SMYD3: variants seen among roughly 807,000 people sequenced by gnomAD.
The protein encoded by SMYD3 is histone-lysine N-methyltransferase SMYD3.
SMYD3 carries 36 observed loss-of-function variants against 57.7 expected under a neutral mutation model. The ratio of observed to expected loss-of-function variants is 0.62; its 90% CI spans 0.48 to 0.82. The LOEUF is 0.82. SMYD3 is among the 40% of genes least tolerant of loss of function. The pLI is 0.00. For synonymous variants in SMYD3, 211 were observed against 195.0 expected (o/e 1.08, Z -0.68); for missense variants, 515 against 538.8 (o/e 0.96, Z 0.44).
At chr1:246,044,561 A>G (rs2059931293) in intron 5 of SMYD3, among the ~76,000 whole-genome samples, 1 of 152,150 alleles carries the variant, frequency 6.6e-6, no homozygotes, top group Non-Finnish European at 1.5e-5. Flanking sequence ...CAGAGAGGCT[A>G]GAGGTCACTG....
chr1:246,169,497 G>A (rs2148236860), intron 5 of SMYD3, among the ~76,000 whole-genome samples: 1 of 151,306 alleles, frequency 6.6e-6, no homozygotes, highest in African/African-American at 2.4e-5. Flanking sequence ...CAGAAGTCCT[G>A]TTTGCTCTTC....
chr1:245,994,334 G>A (rs1284035131), intron 5 of SMYD3, among the ~76,000 whole-genome samples: 1 of 152,172 alleles, frequency 6.6e-6, no homozygotes, highest in Non-Finnish European at 1.5e-5. Context: ...GAGAGTCAGA[G>A]ATTGGCCCGA....
intron 5 of SMYD3, among the ~76,000 whole-genome samples, chr1:246,106,169 C>T (rs2061114883): frequency 1.3e-5 from 2 of 152,162 alleles, no homozygotes; most frequent in Non-Finnish European, 2.9e-5. Context: ...TAATAAACCT[C>T]GGATGGGTTT....
chr1:246,052,996 T>C (rs1196940675), intron 5 of SMYD3: 2 of 152,272 alleles, frequency 1.3e-5, no homozygotes, highest in Non-Finnish European at 2.9e-5. Flanking sequence ...CAGTACTTTG[T>C]GAGGCTGAGG....
At chr1:246,457,532 CAAA>C (rs59617511) in intron 1 of SMYD3, among the ~76,000 whole-genome samples, 5 of 82,454 alleles carry the variant, frequency 6.1e-5, no homozygotes, top group African/African-American at 1.9e-4. Flanking sequence ...GACTCTGCCT[CAAA>C]AAAAAAAAAA....
chr1:246,105,636 G>T (rs10924508), intron 5 of SMYD3, among the ~76,000 whole-genome samples: 1 of 152,134 alleles, frequency 6.6e-6, no homozygotes, highest in Non-Finnish European at 1.5e-5. Flanking sequence ...CACAGACAAC[G>T]GATTTATTGC....
chr1:245,751,728 T>G (rs1457776997), intron 11 of SMYD3, among the ~76,000 whole-genome samples: 3 of 152,168 alleles, frequency 2.0e-5, no homozygotes, highest in African/African-American at 7.2e-5. Flanking sequence ...GTCTGGCCCC[T>G]CACCCTGTGA....
chr1:245,773,080 GGA>G (rs1553317665), intron 10 of SMYD3, among the ~76,000 whole-genome samples: 5 of 141,844 alleles, frequency 3.5e-5, no homozygotes, highest in Non-Finnish European at 7.5e-5. Context: ...TTGGGGGTGG[GGA>G]GAATCACTAA....
intron 5 of SMYD3, among the ~76,000 whole-genome samples, chr1:246,050,387 T>C (rs2153025): frequency 5.3e-5 from 8 of 152,076 alleles, no homozygotes; most frequent in African/African-American, 1.9e-4. Flanking sequence ...CCATAAAAGG[T>C]TGGGCAAAAG....
chr1:246,438,189 C>T (rs2067408887), intron 1 of SMYD3, among the ~76,000 whole-genome samples: 1 of 152,268 alleles, frequency 6.6e-6, no homozygotes, highest in Admixed American at 6.5e-5. Context: ...TGACAGCATA[C>T]TGATTCTGGC....
chr1:246,330,817 G>A (rs2065447141), intron 3 of SMYD3, among the ~76,000 whole-genome samples: 1 of 152,090 alleles, frequency 6.6e-6, no homozygotes, highest in Non-Finnish European at 1.5e-5. Flanking sequence ...ATAAAATCGT[G>A]TACCGGCCAA....
intron 8 of SMYD3, among the ~76,000 whole-genome samples, chr1:245,914,648 AACTT>A (rs2055263270): frequency 1.3e-5 from 2 of 152,156 alleles, no homozygotes; most frequent in South Asian, 4.1e-4. Flanking sequence ...AATGAACACA[AACTT>A]AGGAGGAACG....
At chr1:246,016,939 T>C (rs1459826227) in intron 5 of SMYD3, among the ~76,000 whole-genome samples, 2 of 151,314 alleles carry the variant, frequency 1.3e-5, no homozygotes, top group Non-Finnish European at 2.9e-5. Context: ...TCTTTTTCTA[T>C]GATTTTTTTT....
At chr1:246,017,619 TAA>T (rs1157784182) in intron 5 of SMYD3, among the ~76,000 whole-genome samples, 8 of 152,212 alleles carry the variant, frequency 5.3e-5, no homozygotes, top group African/African-American at 1.9e-4. Context: ...ACGTGGTACA[TAA>T]CTTCAATCAG....
chr1:246,234,337 T>C (rs1367239079), intron 5 of SMYD3, among the ~76,000 whole-genome samples: 1 of 151,472 alleles, frequency 6.6e-6, no homozygotes, highest in Non-Finnish European at 1.5e-5. Context: ...GTGATGAACA[T>C]GTACCACATG....
intron 5 of SMYD3, among the ~76,000 whole-genome samples, chr1:245,965,199 G>A (rs374551849): frequency 1.1e-3 from 168 of 152,192 alleles, no homozygotes; most frequent in Middle Eastern, 3.4e-3. Context: ...ACTCAATTAC[G>A]TATGCATATA....
chr1:246,186,010 C>G (rs1558298349), intron 5 of SMYD3, among the ~76,000 whole-genome samples: 1 of 152,052 alleles, frequency 6.6e-6, no homozygotes. Context: ...AGAGGTTTGT[C>G]TCGGTCAAAT....
chr1:246,316,139 T>A (rs72776397), intron 5 of SMYD3, among the ~76,000 whole-genome samples: 19,134 of 152,224 alleles, frequency 0.13, 1,644 homozygotes, highest in East Asian at 0.3. Context: ...AACAAAAACT[T>A]TGAACCTGAG....
Position 246,133,187 on chromosome 1 carries a change from T to C in SMYD3, c.531+194014A>G, listed in dbSNP as rs111626565. On this transcript the variant is annotated intron_variant, in intron 5 of 11. Transcript: ENST00000490107. ...TATCTAGTATAGTATCTAGAATATATAAAGAACTCTCAAAACTCAAGTTTG... is the reference window on the plus strand; with the variant it reads ...TATCTAGTATAGTATCTAGAATATACAAAGAACTCTCAAAACTCAAGTTTG... Among the ~76,000 whole-genome samples, 128 of 152,082 alleles carry C rather than the reference T, an allele frequency of 8.4e-4. 3 individuals are homozygous for C. The East Asian group carries it at 0.021, about 25-fold the overall frequency.
Sources: gnomAD v4.1 joint callset for allele counts (sites outside exome capture counted in the v4.1 genomes callset) on GRCh38, gnomAD v4.1.1 for gene constraint, MANE v1.5 for transcripts, NCBI Gene and HGNC (gene_info 2026-07-23, HGNC 2026-07-21) for gene names.